The following NKD2 variants were observed in gnomAD, a reference collection of about 807,000 sequenced individuals.
NKD2 encodes the protein NKD inhibitor of Wnt signaling pathway 2, also known as protein naked cuticle homolog 2.
In NKD2, 43 loss-of-function variants were observed where a neutral mutation model predicts 34.8. That is an observed-to-expected ratio of 1.24 (90% CI 0.97 to 1.60). The LOEUF is 1.60. Ranked by LOEUF, NKD2 falls within the 40% of genes most tolerant of loss-of-function variation. NKD2 has a pLI of 0.00. For synonymous variants in NKD2, 278 were observed against 265.1 expected (o/e 1.05, Z -0.47); for missense variants, 675 against 627.1 (o/e 1.08, Z -0.82).
chr5:1,036,487 GCCCCGCCCCCCCCCAACCCC>G, intron 9 of NKD2, 103 bp downstream of exon 9: 1 of 675,016 alleles, frequency 1.5e-6, no homozygotes, highest in Non-Finnish European at 2.2e-6. Context: ...TCCCTGCCCT[GCCCCGCCCCCCCCCAACCCC>G]CCCCACCCCA....
intron 3 of NKD2, among the ~76,000 whole-genome samples, chr5:1,027,114 G>A (rs893183996): frequency 1.3e-5 from 2 of 152,238 alleles, no homozygotes; most frequent in African/African-American, 2.4e-5. Flanking sequence ...GGCACAGCTC[G>A]AGAGCCACTG....
At chr5:1,018,067 C>T (rs1756029231) in intron 3 of NKD2, among the ~76,000 whole-genome samples, 1 of 151,974 alleles carries the variant, frequency 6.6e-6, no homozygotes, top group South Asian at 2.1e-4. Flanking sequence ...GGCCCTGAGG[C>T]AGGAGTAGGC....
intron 3 of NKD2, among the ~76,000 whole-genome samples, chr5:1,015,088 G>C (rs1192474056): frequency 2.0e-5 from 3 of 152,230 alleles, no homozygotes; most frequent in Admixed American, 6.5e-5. Flanking sequence ...GGGCCACCTG[G>C]AGAGCAGCCA....
At chr5:1,037,370 C>A in intron 9 of NKD2, 2 of 716,088 alleles carry the variant, frequency 2.8e-6, no homozygotes, top group Non-Finnish European at 4.6e-6. Context: ...TGCACAGGAG[C>A]TGCACCCTAC....
chr5:1,017,622 C>G (rs1756010381), intron 3 of NKD2, among the ~76,000 whole-genome samples: 1 of 152,084 alleles, frequency 6.6e-6, no homozygotes, highest in African/African-American at 2.4e-5. Flanking sequence ...GGGCTGAGTC[C>G]CGGAGCCAGG....
intron 5 of NKD2, 84 bp from the exon 6 acceptor site, chr5:1,034,151 G>A (rs1474944072): frequency 3.4e-5 from 33 of 977,030 alleles, no homozygotes; most frequent in Admixed American, 1.3e-4. Context: ...CCTGGGAAAG[G>A]CCCCAGAAGA....
At chr5:1,034,715 C>T in intron 6 of NKD2, 41 bp from the exon 7 acceptor site, 1 of 1,593,548 alleles carries the variant, frequency 6.3e-7, no homozygotes, top group Non-Finnish European at 8.6e-7. Context: ...GTGGTGTCCC[C>T]TGGGGTCTGC....
Position 1,037,839 on chromosome 5 carries a change from G to A in NKD2, c.822G>A (p.Gln274=). ...SPPVQAKQEP[Q]GRASHLQARS... Reference sequence around the variant, plus strand: ...CTGTGCAAGCAAAGCAGGAGCCCCAGGGCAGGGCCTCGCACCTCCAGGCCC... The same window carrying A: ...CTGTGCAAGCAAAGCAGGAGCCCCAAGGCAGGGCCTCGCACCTCCAGGCCC... Residue 274 remains glutamine (Q), a synonymous_variant, in exon 10 of 10, where the codon CAG becomes CAA. Transcript: ENST00000296849. 1 of 1,590,288 alleles carries A rather than the reference G, an allele frequency of 6.3e-7. No homozygotes were observed. The highest frequency in any genetic ancestry group is 8.5e-7 in the Non-Finnish European group (1 of 1,171,852).
intron 3 of NKD2, among the ~76,000 whole-genome samples, chr5:1,016,151 C>G (rs1297199183): frequency 6.6e-6 from 1 of 152,236 alleles, no homozygotes; most frequent in Non-Finnish European, 1.5e-5. Flanking sequence ...TGGTGCTGGC[C>G]TGGAGGGACA....
chr5:1,017,561 G>A (rs1005312805), intron 3 of NKD2, among the ~76,000 whole-genome samples: 1 of 152,250 alleles, frequency 6.6e-6, no homozygotes, highest in Non-Finnish European at 1.5e-5. Flanking sequence ...ACCTCTGTTT[G>A]TCACAGGCTT....
chr5:1,031,859 C>A (rs1391496884), intron 3 of NKD2, among the ~76,000 whole-genome samples: 2 of 152,130 alleles, frequency 1.3e-5, no homozygotes, highest in Non-Finnish European at 2.9e-5. Flanking sequence ...GGGCCCTGGC[C>A]AAGGGGATCC....
intron 6 of NKD2, 58 bp downstream of exon 6, chr5:1,034,388 CTG>C (rs754924083): frequency 1.1e-5 from 16 of 1,395,666 alleles, no homozygotes; most frequent in Non-Finnish European, 1.5e-5. Context: ...GGCAGACAGA[CTG>C]TGCTGGCCTC....
At chr5:1,013,476 C>A (rs1209617269) in intron 3 of NKD2, among the ~76,000 whole-genome samples, 1 of 152,240 alleles carries the variant, frequency 6.6e-6, no homozygotes, top group Admixed American at 6.5e-5. Flanking sequence ...AAGGGAGTTG[C>A]CAGGCCACCT....
Position 1,009,532 on chromosome 5 carries a change from A to C in NKD2, c.113A>C (p.Glu38Ala), listed in dbSNP as rs1755665710. ...GCGAGCGGCCGCAAAGGCGCGGAGG[A>C]AGCGGAGCGGCGCGCGCGGGACAAG... Reference protein sequence around the residue: ...AYASGRKGAEEAERRARDKQE... With the variant: ...AYASGRKGAEAAERRARDKQE... The change falls in exon 3 of 10, where the codon GAA becomes GCA. Residue 38 changes from glutamate (E) to alanine (A), a missense_variant. Physicochemically the swap from Glu to Ala is moderately radical, Grantham distance 107 (BLOSUM62 -1). Transcript: ENST00000296849. This position sits in a 1 kb window ranked among gnomAD's most constrained non-coding sequence, Gnocchi z 6.9. The C allele has an allele frequency of 6.7e-7, 1 of 1,493,472 alleles. No homozygotes were observed. The highest frequency in any genetic ancestry group is 1.5e-5 in the African/African-American group (1 of 68,254). 92.5% of individuals were successfully genotyped at this position (1,493,472 alleles called of 1,614,324 possible).
Position 1,009,768 on chromosome 5 carries a change from A to T in NKD2, c.141+208A>T, listed in dbSNP as rs1755678051. On this transcript the variant is annotated intron_variant, in intron 3 of 9. Transcript: ENST00000296849. The surrounding 1 kb of genome is among the most constrained non-coding windows in gnomAD (Gnocchi z 6.9). ...TGGGGCGAGCCCTTGCTAGTGTCCC[A>T]TGCTGAGTGGCGGGTAGGGGAATCG... 6.6e-6 allele frequency among the ~76,000 whole-genome samples: 1 copy of T among 152,102 alleles called. No individual in the cohort carries two copies. The highest frequency in any genetic ancestry group is 2.1e-4 in the South Asian group (1 of 4,830).
At chr5:1,015,944 C>A (rs1171968453) in intron 3 of NKD2, among the ~76,000 whole-genome samples, 1 of 152,222 alleles carries the variant, frequency 6.6e-6, no homozygotes, top group African/African-American at 2.4e-5. Context: ...TCAGTCTCTG[C>A]CACCTTCTGA....
In NKD2 at chr5:1,038,288, C is replaced by T. The variant is rs199972116; in HGVS notation, c.1271C>T (p.Ala424Val). The T allele has an allele frequency of 3.8e-4, 593 of 1,559,028 alleles. 5 individuals carry two copies. Among genetic ancestry groups the T allele is most frequent in the South Asian group, 2.9e-3 (249 of 85,652 alleles). ...LPPTPAGEGY[A>V]VPVIQRHEHH... is the part of the protein sequence containing the mutation. The stretch of plus-strand genomic sequence containing the variant: ...CCCACGCCAGCAGGAGAGGGCTACG[C>T]GGTGCCAGTGATCCAGCGGCACGAG... The change falls in exon 10 of 10, where the codon GCG (alanine) becomes GTG (valine). Residue 424 changes from alanine to valine, a missense_variant. Transcript: ENST00000296849. This position sits in a 1 kb window ranked among gnomAD's most constrained non-coding sequence, Gnocchi z 4.5.
chr5:1,033,561 G>A, intron 5 of NKD2, 62 bp downstream of exon 5: 1 of 1,499,068 alleles, frequency 6.7e-7, no homozygotes, highest in Non-Finnish European at 9.0e-7. Context: ...CTCAGGGACA[G>A]GCATGTGTTG....
intron 9 of NKD2, 68 bp downstream of exon 9, chr5:1,036,452 C>T (rs1006864757): frequency 6.9e-5 from 97 of 1,414,716 alleles, no homozygotes; most frequent in Non-Finnish European, 9.1e-5. Flanking sequence ...TCTTGATTCC[C>T]ACAGCCCTGA....
Sources: gnomAD v4.1 joint callset for allele counts (sites outside exome capture counted in the v4.1 genomes callset) on GRCh38, gnomAD v4.1.1 for gene constraint, Gnocchi (gnomAD v3.1) non-coding constraint, MANE v1.5 for transcripts, NCBI Gene and HGNC (gene_info 2026-07-23, HGNC 2026-07-21) for gene names.